ATOSA: variants seen among roughly 807,000 people sequenced by gnomAD.
The protein encoded by ATOSA is atos homolog A.
At chr15:52,623,865 T>A in the ATOSA span, among the ~76,000 whole-genome samples, 1 of 152,218 alleles carries the variant, frequency 6.6e-6, no homozygotes, top group Admixed American at 6.5e-5. Context: ...CAGCCCTTTC[T>A]AGAAAAGTAT....
chr15:52,622,177 T>A, the ATOSA span, among the ~76,000 whole-genome samples: 7 of 152,328 alleles, frequency 4.6e-5, no homozygotes, highest in African/African-American at 1.4e-4. Context: ...ATAGTTTGGT[T>A]ACTTTATACT....
chr15:52,583,533 C>T, the ATOSA span, among the ~76,000 whole-genome samples: 1,460 of 152,166 alleles, frequency 9.6e-3, 12 homozygotes, highest in Non-Finnish European at 0.015. Context: ...TTACAGGTGT[C>T]CACCACCACG....
At chr15:52,636,575 G>A in the ATOSA span, among the ~76,000 whole-genome samples, 7 of 152,318 alleles carry the variant, frequency 4.6e-5, no homozygotes, top group Admixed American at 6.5e-5. Flanking sequence ...CAGGAAGAGT[G>A]CCTCACTAGA....
At chr15:52,694,716 G>T in the ATOSA span, among the ~76,000 whole-genome samples, 1 of 151,772 alleles carries the variant, frequency 6.6e-6, no homozygotes, top group Non-Finnish European at 1.5e-5. Flanking sequence ...TATCAGATAA[G>T]CTAGAAAATA....
chr15:52,685,005 A>C, the ATOSA span, among the ~76,000 whole-genome samples: 1 of 152,258 alleles, frequency 6.6e-6, no homozygotes, highest in Admixed American at 6.5e-5. Flanking sequence ...AATATTGATC[A>C]CATGTTGAAA....
chr15:52,668,444 C>A, the ATOSA span, among the ~76,000 whole-genome samples: 1 of 152,078 alleles, frequency 6.6e-6, no homozygotes, highest in Admixed American at 6.5e-5. Flanking sequence ...TCAACAGATA[C>A]AAAATTACAG....
chr15:52,610,521 CT>C, the ATOSA span: 1 of 799,886 alleles, frequency 1.3e-6, no homozygotes, highest in Non-Finnish European at 1.9e-6. Flanking sequence ...CTTTTAGCCA[CT>C]TTACCATGCA....
At chr15:52,601,676 A>G in the ATOSA span, among the ~76,000 whole-genome samples, 1 of 152,210 alleles carries the variant, frequency 6.6e-6, no homozygotes, top group Non-Finnish European at 1.5e-5. Context: ...CTATGCTCCT[A>G]GGTTTTCAAC....
the ATOSA span, among the ~76,000 whole-genome samples, chr15:52,654,734 T>C: frequency 6.6e-6 from 1 of 152,126 alleles, no homozygotes; most frequent in Non-Finnish European, 1.5e-5. Context: ...TGGGAAAATT[T>C]CAAATAACTA....
chr15:52,669,112 G>A, the ATOSA span, among the ~76,000 whole-genome samples: 4 of 151,916 alleles, frequency 2.6e-5, no homozygotes, highest in Non-Finnish European at 4.4e-5. Flanking sequence ...AGTAGAGATG[G>A]GGTTTCACCA....
the ATOSA span, among the ~76,000 whole-genome samples, chr15:52,662,062 G>A: frequency 1.3e-5 from 2 of 152,182 alleles, no homozygotes; most frequent in African/African-American, 2.4e-5. Context: ...CAAAGAGGTT[G>A]GTGATTATTC....
chr15:52,593,706 G>A, the ATOSA span: 1 of 1,556,502 alleles, frequency 6.4e-7, no homozygotes, highest in Non-Finnish European at 8.7e-7. Flanking sequence ...ACAATGCCGA[G>A]AGGATCGAAA....
the ATOSA span, among the ~76,000 whole-genome samples, chr15:52,695,704 A>G: frequency 7.9e-5 from 12 of 152,248 alleles, no homozygotes; most frequent in African/African-American, 2.9e-4. Flanking sequence ...ATTGAGCAGA[A>G]TAAGTGGGAT....
chr15:52,585,010 G>C, the ATOSA span: 1 of 1,342,490 alleles, frequency 7.4e-7, no homozygotes, highest in South Asian at 1.4e-5. Flanking sequence ...CAGAATGATT[G>C]TGCCAATAAT....
At chr15:52,652,320 A>T in the ATOSA span, among the ~76,000 whole-genome samples, 1 of 152,248 alleles carries the variant, frequency 6.6e-6, no homozygotes, top group African/African-American at 2.4e-5. Context: ...AATTCGTAAG[A>T]CAAAAATTTA....
the ATOSA span, among the ~76,000 whole-genome samples, chr15:52,632,891 G>A: frequency 6.6e-6 from 1 of 152,108 alleles, no homozygotes; most frequent in Non-Finnish European, 1.5e-5. Flanking sequence ...TGATGGCCAA[G>A]GAAAAGTGAT....
chr15:52,659,147 C>T, the ATOSA span, among the ~76,000 whole-genome samples: 1 of 152,186 alleles, frequency 6.6e-6, no homozygotes, highest in African/African-American at 2.4e-5. Context: ...CCTGTTGCCC[C>T]AGGAAGAAAG....
the ATOSA span, chr15:52,605,035 T>C: frequency 6.3e-6 from 5 of 795,566 alleles, no homozygotes; most frequent in African/African-American, 5.6e-5. Context: ...AATTTAAAGA[T>C]ATTTAAATTT....
the ATOSA span, among the ~76,000 whole-genome samples, chr15:52,602,142 T>C: frequency 6.6e-6 from 1 of 152,250 alleles, no homozygotes. Context: ...TTCTAGGTGC[T>C]TCCTAAATAT....
Sources: gnomAD v4.1 joint callset for allele counts (sites outside exome capture counted in the v4.1 genomes callset) on GRCh38, gnomAD v4.1.1 for gene constraint, MANE v1.5 for transcripts, NCBI Gene and HGNC (gene_info 2026-07-23, HGNC 2026-07-21) for gene names.